The following ZDHHC7 variants were observed in gnomAD, a reference collection of about 807,000 sequenced individuals.
The protein encoded by ZDHHC7 is zDHHC palmitoyltransferase 7.
A neutral mutation model predicts 34.1 loss-of-function variants in ZDHHC7; 12 were observed. The ratio of observed to expected loss-of-function variants is 0.35; its 90% CI spans 0.23 to 0.57. The LOEUF (loss-of-function observed/expected upper bound fraction) is 0.57. Ranked by LOEUF, ZDHHC7 falls within the 20% of genes least tolerant of loss-of-function variation. The pLI is 0.84. For synonymous variants in ZDHHC7, 185 were observed against 155.4 expected (o/e 1.19, Z -1.42); for missense variants, 388 against 402.7 (o/e 0.96, Z 0.31).
intron 3 of ZDHHC7, among the ~76,000 whole-genome samples, chr16:84,982,711 C>T (rs1056461605): frequency 1.3e-5 from 2 of 152,262 alleles, no homozygotes; most frequent in African/African-American, 4.8e-5. Flanking sequence ...GGTGGCGGTC[C>T]AGACCACCTG....
At position 84,974,505 on chromosome 16, in the gene ZDHHC7, T is replaced by A. The variant is rs919497196; in HGVS notation, c.*1838A>T. The A allele has an allele frequency of 1.3e-5, 2 of 152,462 alleles. No individual in the cohort carries two copies. Among genetic ancestry groups the A allele is most frequent in the African/African-American group, 4.8e-5 (2 of 41,432 alleles). The allele number at this position is 152,462 out of a possible 1,614,324, so 9.4% of individuals were successfully genotyped here. On this transcript the variant is annotated 3_prime_UTR_variant, in exon 8 of 8. Transcript: ENST00000313732. ...TACTTTATTTCATATAAAAGTTACA[T>A]TGAAAGAAGAGGTTGAAAAGTCAAG... is the stretch of plus-strand genomic sequence containing the variant.
intron 1 of ZDHHC7, among the ~76,000 whole-genome samples, chr16:85,002,921 G>A (rs985881666): frequency 4.6e-5 from 7 of 151,114 alleles, no homozygotes; most frequent in South Asian, 2.1e-4. Context: ...GAGAGGCGGC[G>A]GCCAAGAGGG....
At chr16:85,015,103 T>G (rs945587600), upstream of ZDHHC7, among the ~76,000 whole-genome samples, 25 of 151,592 alleles carry the variant, frequency 1.6e-4, 1 homozygote, top group East Asian at 5.8e-4. Context: ...TTTTGTTGTT[T>G]TTTTTTTTTT....
chr16:84,981,998 C>A lies in ZDHHC7; in HGVS notation c.316-4G>T. ...CGTTTCCTTTGGGTACTGCCCCCTA[C>A]CATATAAGAAGAATGTACTTTAGTT... On this transcript the variant is annotated splice_polypyrimidine_tract_variant and splice_region_variant and intron_variant, in intron 3 of 7. Coordinates refer to ENST00000313732, the MANE Select transcript of ZDHHC7 (RefSeq NM_017740.3). 1 of 1,614,018 alleles carries A rather than the reference C, an allele frequency of 6.2e-7. No homozygotes were observed. Among genetic ancestry groups the A allele is most frequent in the South Asian group, 1.1e-5 (1 of 91,084 alleles).
chr16:84,989,751 A>C (rs1370636706), intron 3 of ZDHHC7, among the ~76,000 whole-genome samples: 1 of 151,388 alleles, frequency 6.6e-6, no homozygotes, highest in African/African-American at 2.4e-5. Flanking sequence ...CCTTCTTTAG[A>C]GAAAGCTTAG....
the ZDHHC7 span, among the ~76,000 whole-genome samples, chr16:85,020,671 C>T: frequency 6.6e-6 from 1 of 152,042 alleles, no homozygotes; most frequent in Non-Finnish European, 1.5e-5. Context: ...GTGTGGAGGG[C>T]AAGGGGAAGC....
intron 6 of ZDHHC7, 71 bp downstream of exon 6, chr16:84,977,853 C>T (rs751137020): frequency 7.9e-7 from 1 of 1,266,970 alleles, no homozygotes; most frequent in Non-Finnish European, 1.1e-6. Context: ...CTGGTTCTTC[C>T]TTTAAAGCTT....
chr16:85,009,755 C>T (rs868246859), intron 1 of ZDHHC7, among the ~76,000 whole-genome samples: 3 of 136,846 alleles, frequency 2.2e-5, no homozygotes, highest in Middle Eastern at 4.5e-3. Flanking sequence ...GTCGCCCAGA[C>T]TGGAGTGCAG....
At position 84,990,370 on chromosome 16, in the gene ZDHHC7, C is replaced by G; in HGVS notation, c.249G>C (p.Gly83=). 1 of 1,614,044 alleles carries G rather than the reference C, an allele frequency of 6.2e-7. No homozygotes were observed. Among genetic ancestry groups the G allele is most frequent in the Non-Finnish European group, 8.5e-7 (1 of 1,180,008 alleles). ...SKDFWYSVVN[G]VIFNCLAVLA... ...GCACGGCCAAGCAGTTAAAGATGAC[C>G]CCGTTGACCACAGAGTACCAGAAGT... The change falls in exon 3 of 8, where the codon GGG becomes GGC. Residue 83 remains glycine, a synonymous_variant. Coordinates refer to ENST00000313732, the MANE Select transcript of ZDHHC7 (RefSeq NM_017740.3).
intron 4 of ZDHHC7, among the ~76,000 whole-genome samples, chr16:84,980,382 AC>A (rs2143561281): frequency 6.6e-6 from 1 of 151,508 alleles, no homozygotes; most frequent in South Asian, 2.1e-4. Flanking sequence ...TAATTTATAT[AC>A]CATAGGTCAG....
At chr16:84,977,314 C>A (rs1449845299) in intron 6 of ZDHHC7, 89 bp from the exon 7 acceptor site, 2 of 1,511,394 alleles carry the variant, frequency 1.3e-6, no homozygotes, top group Non-Finnish European at 8.9e-7. Flanking sequence ...CTAGGGCCAG[C>A]CCCTGGCCAG....
intron 3 of ZDHHC7, among the ~76,000 whole-genome samples, chr16:84,989,916 C>T (rs1215673547): frequency 1.3e-5 from 2 of 152,084 alleles, no homozygotes; most frequent in Non-Finnish European, 1.5e-5. Context: ...AGCTGCTGGG[C>T]GTCTCCTCCG....
At chr16:85,001,928 A>AT (rs1491228777) in intron 1 of ZDHHC7, among the ~76,000 whole-genome samples, 3 of 133,064 alleles carry the variant, frequency 2.3e-5, no homozygotes, top group African/African-American at 6.4e-5. Context: ...CAAAAAAAAT[A>AT]AATATATATA....
chr16:85,025,583 T>C, the ZDHHC7 span, among the ~76,000 whole-genome samples: 9 of 152,186 alleles, frequency 5.9e-5, no homozygotes, highest in Non-Finnish European at 1.2e-4. Context: ...CTAATCTTTG[T>C]ATTTTTAGTA....
chr16:84,988,887 T>A, intron 3 of ZDHHC7: 1 of 1,551,390 alleles, frequency 6.4e-7, no homozygotes, highest in Non-Finnish European at 8.7e-7. Flanking sequence ...CAAGGCAATA[T>A]TCCAGTAAAA....
the ZDHHC7 span, among the ~76,000 whole-genome samples, chr16:85,017,697 C>T: frequency 6.6e-6 from 1 of 152,120 alleles, no homozygotes; most frequent in Non-Finnish European, 1.5e-5. Context: ...GGGAGAGATC[C>T]CCAAACACCA....
intron 1 of ZDHHC7, among the ~76,000 whole-genome samples, chr16:85,001,321 A>C (rs551966766): frequency 9.9e-5 from 15 of 152,176 alleles, no homozygotes; most frequent in Admixed American, 5.9e-4. Flanking sequence ...AAATACAAAA[A>C]TTAGCCAGGC....
chr16:85,023,544 C>A, the ZDHHC7 span, among the ~76,000 whole-genome samples: 1 of 152,336 alleles, frequency 6.6e-6, no homozygotes, highest in Non-Finnish European at 1.5e-5. Context: ...GTCAAACACA[C>A]ACAGAACTGG....
At chr16:85,018,547 A>T in the ZDHHC7 span, among the ~76,000 whole-genome samples, 1 of 151,950 alleles carries the variant, frequency 6.6e-6, no homozygotes, top group Non-Finnish European at 1.5e-5. Flanking sequence ...TCCCAGGTTT[A>T]AGCAATTCTC....
Sources: allele counts gnomAD v4.1 joint callset (sites outside exome capture counted in the v4.1 genomes callset), GRCh38; gene constraint gnomAD v4.1.1; transcripts MANE v1.5; gene names NCBI Gene and HGNC (gene_info 2026-07-23, HGNC 2026-07-21).